FANK1: variants seen among roughly 807,000 people sequenced by gnomAD.
FANK1 encodes the protein fibronectin type III and ankyrin repeat domains 1, also known as fibronectin type 3 and ankyrin repeat domains protein 1.
A neutral mutation model predicts 45.3 loss-of-function variants in FANK1; 44 were observed. The ratio of observed to expected loss-of-function variants is 0.97; its 90% CI spans 0.76 to 1.25. The LOEUF (loss-of-function observed/expected upper bound fraction) is 1.25, where lower values mean the gene tolerates loss of function less well. Among genes scored for constraint, FANK1 ranks in the 50% most tolerant of loss-of-function variants. The pLI, the probability that FANK1 is intolerant of heterozygous loss-of-function variation, is 0.00. For missense variants in FANK1, 391 were observed against 424.4 expected (o/e 0.92, Z 0.69); for synonymous variants, 149 against 152.5 (o/e 0.98, Z 0.17).
rs578006612 is a variant in FANK1, at chr10:125,980,099, C to A, written c.14-62C>A. On this transcript the variant is annotated intron_variant, in intron 1 of 10. Coordinates refer to ENST00000368693, the MANE Select transcript of FANK1 (RefSeq NM_145235.5). ...GATCACCAAGCAGCTGTAATCCACT[C>A]GACTGGTCTCTCTTCCTTATGGAAA... 8 of 1,540,356 alleles carry A rather than the reference C, an allele frequency of 5.2e-6. No individual in the cohort carries two copies. The African/African-American group carries it at 9.7e-5, about 19-fold the overall frequency.
chr10:125,995,336 G>A, intron 3 of FANK1, 81 bp from the exon 4 acceptor site: 1 of 1,312,042 alleles, frequency 7.6e-7, no homozygotes, highest in East Asian at 2.3e-5. Context: ...ATGATCCCCT[G>A]AAGGCCACAG....
chr10:125,919,694 T>C (rs1198524068), intron 1 of FANK1, among the ~76,000 whole-genome samples: 1 of 152,152 alleles, frequency 6.6e-6, no homozygotes, highest in Non-Finnish European at 1.5e-5. Flanking sequence ...GGATTTGAAG[T>C]GCATCAAAGG....
intron 1 of FANK1, among the ~76,000 whole-genome samples, chr10:125,900,547 A>G (rs112245612): frequency 6.6e-6 from 1 of 151,968 alleles, no homozygotes; most frequent in African/African-American, 2.4e-5. Context: ...ACTTGGTGCT[A>G]CCTGTTCTGT....
At chr10:125,908,620 G>T (rs567619652) in intron 1 of FANK1, among the ~76,000 whole-genome samples, 2 of 152,188 alleles carry the variant, frequency 1.3e-5, no homozygotes, top group Admixed American at 6.5e-5. Context: ...AGGGGGATGA[G>T]GGAGAAAAGA....
At chr10:126,004,317 A>C (rs1953012995) in intron 6 of FANK1, 1 of 152,046 alleles carries the variant, frequency 6.6e-6, no homozygotes, top group South Asian at 2.1e-4. Flanking sequence ...TTTAAAATCC[A>C]ATATTTTACC....
intron 6 of FANK1, among the ~76,000 whole-genome samples, chr10:126,003,303 C>T (rs1220915833): frequency 6.6e-6 from 1 of 152,060 alleles, no homozygotes; most frequent in African/African-American, 2.4e-5. Flanking sequence ...TGGCTCCTGC[C>T]TGTAATCCCA....
chr10:125,917,470 CTGA>C (rs1303288462), intron 1 of FANK1, among the ~76,000 whole-genome samples: 4 of 152,132 alleles, frequency 2.6e-5, no homozygotes, highest in Non-Finnish European at 2.9e-5. Flanking sequence ...TTGTAGTCCT[CTGA>C]TAATATAAAA....
At chr10:125,942,124 A>G (rs1948489875) in intron 1 of FANK1, among the ~76,000 whole-genome samples, 1 of 152,234 alleles carries the variant, frequency 6.6e-6, no homozygotes, top group East Asian at 1.9e-4. Flanking sequence ...TAGCCTCTGT[A>G]TATAAAGAGT....
intron 1 of FANK1, chr10:125,907,593 TG>T: frequency 4.5e-6 from 3 of 666,448 alleles, no homozygotes; most frequent in Non-Finnish European, 5.4e-6. Context: ...TGTGTGTGTG[TG>T]TATGTGTGTG....
intron 1 of FANK1, among the ~76,000 whole-genome samples, chr10:125,929,382 T>C (rs1417624702): frequency 3.3e-5 from 5 of 152,194 alleles, no homozygotes; most frequent in Non-Finnish European, 7.4e-5. Context: ...GTCTGGTTAA[T>C]GTAGATCCCA....
Position 125,988,654 on chromosome 10 carries a change from C to G in FANK1, c.295C>G (p.Leu99Val), listed in dbSNP as rs1951723449. The change falls in exon 3 of 11, where the codon CTC (leucine) becomes GTC (valine). Residue 99 changes from leucine to valine, a missense_variant. Physicochemically the swap from Leu to Val is conservative, Grantham distance 32. Transcript: ENST00000368693. Reference sequence around the variant, plus strand: ...CTCTGGGGAGTGTGAGTACAGCCCACTCGTCTCAGTGTCTACAACCAGTGA... The same window carrying G: ...CTCTGGGGAGTGTGAGTACAGCCCAGTCGTCTCAGTGTCTACAACCAGTGA... ...SPSGECEYSP[L>V]VSVSTTREPI... The G allele has an allele frequency of 3.7e-6, 6 of 1,614,212 alleles. No homozygotes were observed. The East Asian group carries it at 1.3e-4, about 36-fold the overall frequency.
At chr10:125,907,512 A>T (rs1297753597) in intron 1 of FANK1, 16 of 985,020 alleles carry the variant, frequency 1.6e-5, no homozygotes, top group African/African-American at 5.3e-5. Flanking sequence ...CGTGAGTAGG[A>T]TCTGTGACTT....
In FANK1 at chr10:125,994,561, G is replaced by A. The variant is rs190654883; in HGVS notation, c.317-856G>A. 7.5e-4 allele frequency: 742 copies of A among 985,366 alleles called. 25 individuals carry two copies. The Admixed American group carries it at 0.042, about 56-fold the overall frequency. The allele number at this position is 985,366 out of a possible 1,614,324, so 61.0% of individuals were successfully genotyped here. On this transcript the variant is annotated intron_variant, in intron 3 of 10. Transcript: ENST00000368693. ...ACCCCCAACAACAGGTTGTGTGCTGGGTACTTACGATGTGTCAGGTGCTAT... is the reference window on the plus strand; with the variant it reads ...ACCCCCAACAACAGGTTGTGTGCTGAGTACTTACGATGTGTCAGGTGCTAT...
chr10:125,997,830 C>G (rs1221726077), intron 6 of FANK1, among the ~76,000 whole-genome samples: 1 of 152,240 alleles, frequency 6.6e-6, no homozygotes, highest in Non-Finnish European at 1.5e-5. Flanking sequence ...GCCCCTGGCA[C>G]CCCGTGCCTC....
At chr10:125,919,408 G>GT (rs1253316888) in intron 1 of FANK1, among the ~76,000 whole-genome samples, 13 of 151,944 alleles carry the variant, frequency 8.6e-5, no homozygotes. Flanking sequence ...GTTTCACCAT[G>GT]TTGGCCAGGC....
At chr10:125,916,973 C>T (rs1946495748) in intron 1 of FANK1, among the ~76,000 whole-genome samples, 1 of 152,202 alleles carries the variant, frequency 6.6e-6, no homozygotes, top group South Asian at 2.1e-4. Context: ...CCTGCTGTTC[C>T]TCCCAGTTTA....
At chr10:125,931,455 C>T (rs150224464) in intron 1 of FANK1, among the ~76,000 whole-genome samples, 2,304 of 152,272 alleles carry the variant, frequency 0.015, 58 homozygotes, top group African/African-American at 0.051. Flanking sequence ...ATCTGCATTT[C>T]CCTGATCGTT....
chr10:125,903,635 G>A (rs1248930505), intron 1 of FANK1, among the ~76,000 whole-genome samples: 2 of 152,206 alleles, frequency 1.3e-5, no homozygotes, highest in Admixed American at 1.3e-4. Flanking sequence ...TTTGGATTCA[G>A]CCCGGGCAAC....
At chr10:125,925,162 CT>C (rs1447282024) in intron 1 of FANK1, among the ~76,000 whole-genome samples, 1 of 152,046 alleles carries the variant, frequency 6.6e-6, no homozygotes, top group Non-Finnish European at 1.5e-5. Flanking sequence ...TATTTTTATA[CT>C]TTATTTACTG....
Sources: gnomAD v4.1 joint callset for allele counts (sites outside exome capture counted in the v4.1 genomes callset) on GRCh38, gnomAD v4.1.1 for gene constraint, MANE v1.5 for transcripts, NCBI Gene and HGNC (gene_info 2026-07-23, HGNC 2026-07-21) for gene names.